Variants in EYA2 observed in about 807,000 individuals in gnomAD.
EYA2 encodes EYA transcriptional coactivator and phosphatase 2.
In EYA2, 31 loss-of-function variants were observed where a neutral mutation model predicts 69.2. That is an observed-to-expected ratio of 0.45 (90% CI 0.34 to 0.60). The LOEUF is 0.60. Ranked by LOEUF, EYA2 falls within the 20% of genes least tolerant of loss-of-function variation. The probability of loss-of-function intolerance (pLI) is 0.02; values close to 1 mark genes in which losing one functional copy is unlikely to be tolerated. For synonymous variants in EYA2, 257 were observed against 279.4 expected, an observed-to-expected ratio of 0.92 and a Z score of 0.80; for missense variants, 622 against 701.2, an observed-to-expected ratio of 0.89 and a Z score of 1.28.
chr20:47,030,706 C>T (rs995543713), intron 5 of EYA2, among the ~76,000 whole-genome samples: 1 of 151,538 alleles, frequency 6.6e-6, no homozygotes, highest in African/African-American at 2.4e-5. Context: ...TATATGCTCG[C>T]TCTGTGAACA....
intron 5 of EYA2, among the ~76,000 whole-genome samples, chr20:47,052,478 C>T (rs1316918385): frequency 6.6e-6 from 1 of 152,220 alleles, no homozygotes; most frequent in African/African-American, 2.4e-5. Flanking sequence ...TCAGCTACTG[C>T]TGGGCATTTA....
chr20:46,912,139 G>A (rs940381361), intron 1 of EYA2, among the ~76,000 whole-genome samples: 21 of 152,186 alleles, frequency 1.4e-4, no homozygotes, highest in African/African-American at 5.1e-4. Context: ...AGAGTGAGCA[G>A]AAGGACCAAA....
rs73311529 is a variant in EYA2 at position 47,162,459 on chromosome 20, A to G, written c.979-6680A>G. 8.0e-3 allele frequency among the ~76,000 whole-genome samples: 1,205 copies of G among 151,294 alleles called. 18 individuals are homozygous for G. The highest frequency in any genetic ancestry group is 0.028 in the African/African-American group (1,143 of 41,178). On this transcript the variant is annotated intron_variant, in intron 10 of 15. Coordinates refer to ENST00000327619, the MANE Select transcript of EYA2 (RefSeq NM_005244.5). ...TCCAGTGATAGAGATTTTTGTCTCT[A>G]TCTCACTGAGATATTTGTAATTAAT...
At chr20:46,960,934 C>T (rs1206769) in intron 1 of EYA2, among the ~76,000 whole-genome samples, 21,117 of 152,158 alleles carry the variant, frequency 0.14, 3,399 homozygotes, top group African/African-American at 0.4. Context: ...GAAAGCAAGC[C>T]GGCATCCCAG....
chr20:47,118,321 C>G (rs1160281146), intron 9 of EYA2, among the ~76,000 whole-genome samples: 1 of 152,144 alleles, frequency 6.6e-6, no homozygotes, highest in African/African-American at 2.4e-5. Flanking sequence ...TTGGGCTTCT[C>G]CAGCAGTGAT....
intron 4 of EYA2, among the ~76,000 whole-genome samples, chr20:47,010,183 A>C (rs1325718042): frequency 3.9e-5 from 6 of 152,228 alleles, no homozygotes; most frequent in Non-Finnish European, 7.3e-5. Flanking sequence ...ACTATCCTGG[A>C]TAATGGCAAA....
intron 9 of EYA2, among the ~76,000 whole-genome samples, chr20:47,133,352 C>T (rs749455225): frequency 2.0e-5 from 3 of 152,156 alleles, no homozygotes; most frequent in Admixed American, 6.5e-5. Flanking sequence ...ATGATTCTAG[C>T]CAGGGATGGG....
At chr20:47,016,425 G>A (rs1983417608) in intron 5 of EYA2, 128 bp downstream of exon 5, 2 of 688,812 alleles carry the variant, frequency 2.9e-6, no homozygotes, top group Middle Eastern at 3.5e-4. Flanking sequence ...TCGAGGAGTG[G>A]AGAAAATAGA....
rs761053258 is a variant in EYA2 at position 47,057,133 on chromosome 20, A to AGGAG, written c.416-15046_416-15043dup. 7.8e-3 allele frequency among the ~76,000 whole-genome samples: 858 copies of AGGAG among 110,276 alleles called. 10 individuals carry two copies. The highest frequency in any genetic ancestry group is 0.024 in the African/African-American group (672 of 28,094). The allele number at this position is 110,276 out of a possible 152,430, so 72.3% of individuals were successfully genotyped here. Reference sequence around the variant, plus strand: ...GAGGGAGGGAAGGAAGAAGACAGGAAGGAGGGAGGAAGGAAGGAAGGAAGG... The same window carrying AGGAG: ...GAGGGAGGGAAGGAAGAAGACAGGAAGGAGGGAGGGAGGAAGGAAGGAAGGAAGG... On this transcript the variant is annotated intron_variant, in intron 5 of 15. Transcript: ENST00000327619.
chr20:47,085,024 C>T (rs994799755), intron 7 of EYA2, among the ~76,000 whole-genome samples: 2 of 151,400 alleles, frequency 1.3e-5, no homozygotes, highest in African/African-American at 2.4e-5. Flanking sequence ...TTTGTAGAGA[C>T]GGGGGTCTCA....
At chr20:47,081,774 G>C (rs1275013374) in intron 7 of EYA2, among the ~76,000 whole-genome samples, 3 of 86,624 alleles carry the variant, frequency 3.5e-5, no homozygotes, top group Non-Finnish European at 7.3e-5. Context: ...GCGAGACCTT[G>C]TCTCAAAAAA....
At chr20:47,104,670 G>C (rs557701470) in intron 9 of EYA2, among the ~76,000 whole-genome samples, 148 of 152,268 alleles carry the variant, frequency 9.7e-4, no homozygotes, top group African/African-American at 3.4e-3. Flanking sequence ...CGTCCCAGTA[G>C]CATTTGTTGA....
intron 1 of EYA2, among the ~76,000 whole-genome samples, chr20:46,958,134 G>T (rs1979247626): frequency 6.6e-6 from 1 of 152,152 alleles, no homozygotes; most frequent in Admixed American, 6.5e-5. Context: ...ACCCTCGCTT[G>T]CAGTGATGGC....
chr20:47,168,180 CTT>C lies in EYA2; in HGVS notation c.979-956_979-955del, dbSNP rs1397481270. Among the ~76,000 whole-genome samples, 7 of 135,928 alleles carry C rather than the reference CTT, an allele frequency of 5.1e-5. No homozygotes were observed. The East Asian group carries it at 1.5e-3, about 29-fold the overall frequency. The allele number at this position is 135,928 out of a possible 152,430, so 89.2% of individuals were successfully genotyped here. On this transcript the variant is annotated intron_variant, in intron 10 of 15. Transcript: ENST00000327619. Reference sequence around the variant, plus strand: ...GTTTTCATTGTCCCCACCCCGTAGTCTTTTGTTTTTTTGTTTTTTTGTTTTTT... The same window carrying C: ...GTTTTCATTGTCCCCACCCCGTAGTCTTGTTTTTTTGTTTTTTTGTTTTTT...
intron 9 of EYA2, among the ~76,000 whole-genome samples, chr20:47,099,686 A>T (rs2032368655): frequency 6.6e-6 from 1 of 152,210 alleles, no homozygotes; most frequent in South Asian, 2.1e-4. Context: ...ATGTTCTTTT[A>T]TTAAGTTAAA....
At chr20:47,173,469 C>T (rs1413342798) in intron 12 of EYA2, among the ~76,000 whole-genome samples, 4 of 138,980 alleles carry the variant, frequency 2.9e-5, no homozygotes, top group Non-Finnish European at 4.5e-5. Context: ...CCCAAGATTA[C>T]ACCACTGCAC....
chr20:47,186,389 C>T (rs2034643356), intron 15 of EYA2, among the ~76,000 whole-genome samples: 2 of 87,404 alleles, frequency 2.3e-5, no homozygotes, highest in South Asian at 8.3e-4. Context: ...GATGAAGTTT[C>T]ACTCTTGTTG....
At chr20:47,083,663 T>C (rs905181347) in intron 7 of EYA2, among the ~76,000 whole-genome samples, 2 of 151,628 alleles carry the variant, frequency 1.3e-5, no homozygotes, top group African/African-American at 4.8e-5. Context: ...AAATAGATCA[T>C]AGACTTAAAT....
At chr20:46,923,749 C>A (rs1215869900) in intron 1 of EYA2, among the ~76,000 whole-genome samples, 1 of 151,950 alleles carries the variant, frequency 6.6e-6, no homozygotes, top group African/African-American at 2.4e-5. Flanking sequence ...ATGGGTGAAA[C>A]ATTAACAGCA....
Sources: allele counts gnomAD v4.1 joint callset (sites outside exome capture counted in the v4.1 genomes callset), GRCh38; gene constraint gnomAD v4.1.1; transcripts MANE v1.5; gene names NCBI Gene and HGNC (gene_info 2026-07-23, HGNC 2026-07-21).